Variants in FSTL5 observed in about 807,000 individuals in gnomAD.
FSTL5 encodes follistatin like 5, also known as follistatin-related protein 5.
A neutral mutation model predicts 89.1 loss-of-function variants in FSTL5; 62 were observed. The ratio of observed to expected loss-of-function variants is 0.70; its 90% confidence interval spans 0.57 to 0.86. FSTL5 has a LOEUF of 0.86. Among genes scored for constraint, FSTL5 ranks in the 40% least tolerant of loss-of-function variants. The pLI is 0.00. For synonymous variants in FSTL5, 383 were observed against 346.2 expected, an observed-to-expected ratio of 1.11 and a Z score of -1.18; for missense variants, 1,057 against 1,001.6, an observed-to-expected ratio of 1.06 and a Z score of -0.75.
At chr4:161,425,133 T>C (rs988169180) in intron 15 of FSTL5, among the ~76,000 whole-genome samples, 13 of 152,332 alleles carry the variant, frequency 8.5e-5, no homozygotes, top group African/African-American at 2.9e-4. Context: ...CAGAATGTGG[T>C]AGAATACTAC....
At chr4:161,856,123 T>C (rs1247444862) in intron 4 of FSTL5, among the ~76,000 whole-genome samples, 1 of 152,078 alleles carries the variant, frequency 6.6e-6, no homozygotes, top group Non-Finnish European at 1.5e-5. Context: ...GAAGCAAGAA[T>C]GTAATCTTTT....
At chr4:161,865,241 A>C (rs1298140972) in intron 4 of FSTL5, among the ~76,000 whole-genome samples, 1 of 152,208 alleles carries the variant, frequency 6.6e-6, no homozygotes, top group Non-Finnish European at 1.5e-5. Context: ...GACTGTCAAG[A>C]GATAAAAAGC....
At chr4:161,629,708 G>A (rs1014561367) in intron 7 of FSTL5, among the ~76,000 whole-genome samples, 1 of 152,108 alleles carries the variant, frequency 6.6e-6, no homozygotes, top group Non-Finnish European at 1.5e-5. Flanking sequence ...TTTCCCCTAA[G>A]CCATAGCTAT....
chr4:162,142,473 A>G (rs1004896596), intron 1 of FSTL5, among the ~76,000 whole-genome samples: 1 of 152,204 alleles, frequency 6.6e-6, no homozygotes, highest in Non-Finnish European at 1.5e-5. Context: ...GAGACAGCTC[A>G]TCAATGAATT....
chr4:162,028,388 C>A (rs1053591083), intron 3 of FSTL5, among the ~76,000 whole-genome samples: 1 of 152,074 alleles, frequency 6.6e-6, no homozygotes, highest in Non-Finnish European at 1.5e-5. Flanking sequence ...ACCATCCTGG[C>A]CAACATGGCA....
chr4:161,824,946 A>G (rs1730620078), intron 4 of FSTL5, among the ~76,000 whole-genome samples: 2 of 152,150 alleles, frequency 1.3e-5, no homozygotes, highest in African/African-American at 4.8e-5. Flanking sequence ...AGAACTGGGG[A>G]GAGTGGGCAT....
intron 12 of FSTL5, among the ~76,000 whole-genome samples, chr4:161,488,043 GA>G (rs138869324): frequency 0.052 from 7,919 of 151,798 alleles, 564 homozygotes; most frequent in African/African-American, 0.17. Flanking sequence ...TGCAATATTG[GA>G]AAAAAATCTT....
chr4:161,669,481 T>C (rs1205366864), intron 6 of FSTL5, among the ~76,000 whole-genome samples: 4 of 151,868 alleles, frequency 2.6e-5, no homozygotes, highest in Non-Finnish European at 1.5e-5. Flanking sequence ...AGGCCAGAAA[T>C]AGAACCAAAT....
chr4:161,441,108 T>C (rs564329250), intron 15 of FSTL5, among the ~76,000 whole-genome samples: 17 of 152,222 alleles, frequency 1.1e-4, no homozygotes, highest in African/African-American at 3.6e-4. Flanking sequence ...TCTCTAAATA[T>C]TTCTGGTAAG....
intron 7 of FSTL5, among the ~76,000 whole-genome samples, chr4:161,603,977 T>C (rs1734346696): frequency 6.6e-6 from 1 of 151,526 alleles, no homozygotes. Context: ...TAATTAATTG[T>C]ACAGGAATAG....
chr4:161,809,676 G>A (rs886303237), intron 4 of FSTL5, among the ~76,000 whole-genome samples: 8 of 152,150 alleles, frequency 5.3e-5, no homozygotes, highest in East Asian at 1.9e-4. Flanking sequence ...TCTGACATAC[G>A]CTACAGCGTG....
intron 4 of FSTL5, among the ~76,000 whole-genome samples, chr4:161,783,693 T>C (rs1166631147): frequency 1.2e-3 from 33 of 26,798 alleles, no homozygotes; most frequent in Admixed American, 3.2e-3. Context: ...CTTTCTTTCT[T>C]TCTTTCTTTC....
chr4:161,715,786 T>C (rs1738956283), intron 6 of FSTL5, among the ~76,000 whole-genome samples: 2 of 152,200 alleles, frequency 1.3e-5, no homozygotes, highest in East Asian at 1.9e-4. Context: ...AGCAAAATTC[T>C]AAGTCATCCT....
chr4:161,423,536 T>C (rs1732060824), intron 15 of FSTL5, among the ~76,000 whole-genome samples: 4 of 152,270 alleles, frequency 2.6e-5, no homozygotes, highest in African/African-American at 7.2e-5. Flanking sequence ...ATATCTTTTA[T>C]TTTTTTGGCA....
chr4:162,025,254 A>C (rs912431182), intron 3 of FSTL5, among the ~76,000 whole-genome samples: 1 of 152,208 alleles, frequency 6.6e-6, no homozygotes, highest in African/African-American at 2.4e-5. Flanking sequence ...ATGATTCGAC[A>C]TAGAAGTCAA....
chr4:161,721,001 G>A (rs1579046785), intron 6 of FSTL5, among the ~76,000 whole-genome samples: 3 of 152,208 alleles, frequency 2.0e-5, no homozygotes, highest in East Asian at 1.9e-4. Flanking sequence ...TTTTCTGGCC[G>A]GGCGCGGTGG....
At chr4:161,878,333 T>C (rs1732515326) in intron 4 of FSTL5, among the ~76,000 whole-genome samples, 1 of 152,158 alleles carries the variant, frequency 6.6e-6, no homozygotes, top group African/African-American at 2.4e-5. Context: ...ATAATGAATA[T>C]GCATATGTAT....
At chr4:161,618,098 G>T (rs1258018703) in intron 7 of FSTL5, among the ~76,000 whole-genome samples, 2 of 149,350 alleles carry the variant, frequency 1.3e-5, no homozygotes, top group African/African-American at 2.5e-5. Flanking sequence ...GTGAATGGGA[G>T]TTCACTCATG....
intron 15 of FSTL5, among the ~76,000 whole-genome samples, chr4:161,444,712 T>A (rs546378110): frequency 6.6e-6 from 1 of 151,634 alleles, no homozygotes; most frequent in East Asian, 2.0e-4. Context: ...AGTAATAGCA[T>A]GTAAATGGGA....
Sources: gnomAD v4.1 joint callset for allele counts (sites outside exome capture counted in the v4.1 genomes callset) on GRCh38, gnomAD v4.1.1 for gene constraint, MANE v1.5 for transcripts, NCBI Gene and HGNC (gene_info 2026-07-23, HGNC 2026-07-21) for gene names.